Variants in SERAC1 observed in about 807,000 individuals in gnomAD.
SERAC1 encodes the protein serine active site containing 1.
SERAC1 carries 36 observed loss-of-function variants against 85.7 expected under a neutral mutation model. That is an observed-to-expected ratio of 0.42 (90% CI 0.32 to 0.55). The LOEUF is 0.55. Among genes scored for constraint, SERAC1 ranks in the 20% least tolerant of loss-of-function variants. The probability of loss-of-function intolerance (pLI) is 0.11; values close to 1 mark genes in which losing one functional copy is unlikely to be tolerated. For missense variants in SERAC1, 629 were observed against 796.2 expected (o/e 0.79, Z 2.53); for synonymous variants, 242 against 265.3 (o/e 0.91, Z 0.85).
At chr6:158,130,617 G>T in intron 8 of SERAC1, 131 bp from the exon 9 acceptor site, 1 of 573,506 alleles carries the variant, frequency 1.7e-6, no homozygotes, top group Non-Finnish European at 3.0e-6. Flanking sequence ...AAAATATGTT[G>T]GAAATGTAAA....
At chr6:158,146,752 G>T (rs750290375) in intron 6 of SERAC1, 30 bp downstream of exon 6, 1 of 1,611,310 alleles carries the variant, frequency 6.2e-7, no homozygotes, top group East Asian at 2.2e-5. Flanking sequence ...CCAGCTGAAG[G>T]CATGCCACCT....
intron 15 of SERAC1, 105 bp downstream of exon 15, chr6:158,114,684 C>CACATTATA: frequency 2.2e-6 from 1 of 454,624 alleles, no homozygotes; most frequent in Non-Finnish European, 3.0e-6. Context: ...CAATTATATA[C>CACATTATA]AAATTATAAA....
chr6:158,143,212 A>G (rs1313958747), intron 7 of SERAC1, 28 bp from the exon 8 acceptor site: 4 of 1,607,732 alleles, frequency 2.5e-6, no homozygotes, highest in Non-Finnish European at 3.4e-6. Context: ...GAAATTCTTC[A>G]TAAATACTCA....
At chr6:158,113,869 G>C (rs574981625) in intron 15 of SERAC1, among the ~76,000 whole-genome samples, 1 of 152,066 alleles carries the variant, frequency 6.6e-6, no homozygotes, top group Admixed American at 6.6e-5. Flanking sequence ...GGACCACAGG[G>C]GTCCTCCAGT....
At chr6:158,153,660 T>A (rs184768051) in intron 3 of SERAC1, among the ~76,000 whole-genome samples, 2 of 152,316 alleles carry the variant, frequency 1.3e-5, no homozygotes, top group East Asian at 3.9e-4. Context: ...AATGAAGATT[T>A]CTTTTTTCCT....
intron 6 of SERAC1, 141 bp from the exon 7 acceptor site, chr6:158,144,561 T>C (rs1335722290): frequency 1.5e-6 from 1 of 689,584 alleles, no homozygotes; most frequent in African/African-American, 1.8e-5. Flanking sequence ...CAAGTGCAAC[T>C]ACATTTACAA....
At chr6:158,153,573 T>C (rs1785256856) in intron 3 of SERAC1, among the ~76,000 whole-genome samples, 1 of 152,234 alleles carries the variant, frequency 6.6e-6, no homozygotes, top group Non-Finnish European at 1.5e-5. Flanking sequence ...ACTCCCATCA[T>C]CAGCATATGA....
In SERAC1 at chr6:158,114,960, T is replaced by C. The variant is rs1265977708; in HGVS notation, c.1513A>G (p.Lys505Glu). 6.2e-7 allele frequency: 1 copy of C among 1,611,280 alleles called. No individual in the cohort carries two copies. The highest frequency in any genetic ancestry group is 8.5e-7 in the Non-Finnish European group (1 of 1,178,876). The change falls in exon 15 of 17, where the codon AAA (lysine) becomes GAA (glutamate). Residue 505 changes from lysine (K) to glutamate (E), a missense_variant. Lys to Glu is a moderately conservative substitution (Grantham distance 56). Coordinates refer to ENST00000647468, the MANE Select transcript of SERAC1 (RefSeq NM_032861.4). ...ISHSMGGLLV[K>E]KMLLEASTKP... ...GTAGAGGCTTCCAACAGCATCTTTT[T>C]GACAAGAAGACCTAGCCACAGACAA...
At chr6:158,144,880 C>A (rs1030316339) in intron 6 of SERAC1, among the ~76,000 whole-genome samples, 5 of 152,132 alleles carry the variant, frequency 3.3e-5, no homozygotes, top group African/African-American at 1.2e-4. Context: ...ATTAAACATG[C>A]CATTCTTTAT....
chr6:158,142,157 TTTTTC>T (rs1316339836), intron 8 of SERAC1, among the ~76,000 whole-genome samples: 1 of 152,000 alleles, frequency 6.6e-6, no homozygotes, highest in Non-Finnish European at 1.5e-5. Flanking sequence ...AGCCTTTTAC[TTTTTC>T]TTTTCTTTTT....
chr6:158,149,650 T>G (rs1216155691), intron 4 of SERAC1, among the ~76,000 whole-genome samples: 1 of 152,210 alleles, frequency 6.6e-6, no homozygotes, highest in Non-Finnish European at 1.5e-5. Flanking sequence ...ACAGGTATAT[T>G]ATAAGCAACA....
Position 158,144,443 on chromosome 6 carries a change from TG to T in SERAC1, c.488-24del, listed in dbSNP as rs139465541. 3.7e-5 allele frequency: 57 copies of T among 1,543,990 alleles called. No individual in the cohort carries two copies. In the East Asian group the frequency reaches 1.3e-3, roughly 35 times the overall value. On this transcript the variant is annotated intron_variant, in intron 6 of 16. Transcript: ENST00000647468. ...AATCTATTGAAAAAGCATTTTCTTT[TG>T]TTAATACCAAAACTAGCTGACAGAT...
rs1191964728 is a variant in SERAC1, at chr6:158,120,599, A to G, written c.1016-24T>C. 6.2e-7 allele frequency: 1 copy of G among 1,608,594 alleles called. No individual in the cohort carries two copies. ...GCCTGGTGAAAAGTACACATATCCT[A>G]AATACTGATGTGAATCCATCGCAGA... is the stretch of plus-strand genomic sequence containing the variant. On this transcript the variant is annotated intron_variant, in intron 10 of 16. Transcript: ENST00000647468. The surrounding 1 kb of genome is among the most constrained non-coding windows in gnomAD (Gnocchi z 4.4).
chr6:158,155,194 C>T, intron 3 of SERAC1, 121 bp downstream of exon 3: 1 of 637,790 alleles, frequency 1.6e-6, no homozygotes, highest in Non-Finnish European at 2.8e-6. Context: ...TGATTAAATC[C>T]ACCAGTCTAA....
chr6:158,125,911 G>A (rs895660920), intron 10 of SERAC1, among the ~76,000 whole-genome samples: 4 of 151,830 alleles, frequency 2.6e-5, no homozygotes, highest in Non-Finnish European at 5.9e-5. Context: ...GCCAAAAGAG[G>A]AGAAACAACA....
intron 10 of SERAC1, among the ~76,000 whole-genome samples, chr6:158,122,733 T>A (rs768591733): frequency 2.6e-5 from 4 of 152,128 alleles, no homozygotes; most frequent in African/African-American, 9.7e-5. Flanking sequence ...GGAGCCAAGA[T>A]AGCGCCACTG....
At chr6:158,145,724 T>C (rs982637020) in intron 6 of SERAC1, among the ~76,000 whole-genome samples, 2 of 151,976 alleles carry the variant, frequency 1.3e-5, no homozygotes, top group Non-Finnish European at 2.9e-5. Context: ...GGTTTTGCCA[T>C]GTTAGCCAGG....
At position 158,146,893 on chromosome 6, in the gene SERAC1, T is replaced by C. The variant is rs768365938; in HGVS notation, c.376A>G (p.Ile126Val). Residue 126 changes from isoleucine (I) to valine (V), a missense_variant, in exon 6 of 17, where the codon ATA becomes GTA. Transcript: ENST00000647468. Reference protein sequence around the residue: ...PFADPFSTVDIEDHECAVWLL... With the variant: ...PFADPFSTVDVEDHECAVWLL... ...CACACAGCACACTCATGATCTTCTA[T>C]ATCAACTGTACTAAAAGGATCTTTG... is the stretch of plus-strand genomic sequence containing the variant. 4 of 1,613,680 alleles carry C rather than the reference T, an allele frequency of 2.5e-6. No homozygotes were observed. Among genetic ancestry groups the C allele is most frequent in the Non-Finnish European group, 1.7e-6 (2 of 1,179,712 alleles).
chr6:158,140,366 T>C (rs1384046844), intron 8 of SERAC1, among the ~76,000 whole-genome samples: 1 of 152,142 alleles, frequency 6.6e-6, no homozygotes, highest in African/African-American at 2.4e-5. Context: ...TGCCAACTGA[T>C]TAAAACCATG....
Sources: gnomAD v4.1 joint callset for allele counts (sites outside exome capture counted in the v4.1 genomes callset) on GRCh38, gnomAD v4.1.1 for gene constraint, Gnocchi (gnomAD v3.1) non-coding constraint, MANE v1.5 for transcripts, NCBI Gene and HGNC (gene_info 2026-07-23, HGNC 2026-07-21) for gene names.